NDST3: variants seen among roughly 807,000 people sequenced by gnomAD.
NDST3 encodes bifunctional heparan sulfate N-deacetylase/N-sulfotransferase 3.
NDST3 carries 58 observed loss-of-function variants against 96.1 expected under a neutral mutation model. The ratio of observed to expected loss-of-function variants is 0.60; its 90% CI spans 0.49 to 0.75. NDST3 has a LOEUF of 0.75. Ranked by LOEUF, NDST3 falls within the 30% of genes least tolerant of loss-of-function variation. The pLI is 0.00. For synonymous variants in NDST3, 333 were observed against 359.7 expected (o/e 0.93, Z 0.84); for missense variants, 788 against 1,034.2 (o/e 0.76, Z 3.27).
At chr4:118,069,435 TTC>T (rs1321814588) in intron 2 of NDST3, among the ~76,000 whole-genome samples, 1 of 152,128 alleles carries the variant, frequency 6.6e-6, no homozygotes, top group Admixed American at 6.6e-5. Context: ...GCTTTAAACA[TTC>T]GCCTTTGAGA....
In NDST3 at chr4:118,255,693, A is replaced by C. The variant is rs759028197; in HGVS notation, c.2603A>C (p.Glu868Ala). The change falls in exon 14 of 14, where the codon GAG becomes GCG. Residue 868 changes from glutamate (E) to alanine (A), a missense_variant. Transcript: ENST00000296499. ...GQPLPSWLRQ[E>A]LQKVR ...CCTCTGCCATCCTGGCTGAGACAGG[A>C]GCTGCAGAAAGTAAGATAGCACTGA... 1.9e-6 allele frequency: 3 copies of C among 1,613,288 alleles called. No homozygotes were observed. The South Asian group carries it at 3.3e-5, about 18-fold the overall frequency.
chr4:118,204,962 C>T (rs1047943155), intron 6 of NDST3, among the ~76,000 whole-genome samples: 1 of 144,508 alleles, frequency 6.9e-6, no homozygotes, highest in Non-Finnish European at 1.5e-5. Context: ...CACTCTATAT[C>T]TGTGTACAAG....
intron 6 of NDST3, among the ~76,000 whole-genome samples, chr4:118,213,153 T>C (rs2892800): frequency 0.27 from 41,785 of 152,128 alleles, 6,114 homozygotes; most frequent in East Asian, 0.52. Context: ...GCAAGAATCA[T>C]GCAAAATGAA....
chr4:118,064,035 A>G (rs1726109527), intron 2 of NDST3, among the ~76,000 whole-genome samples: 1 of 152,226 alleles, frequency 6.6e-6, no homozygotes, highest in South Asian at 2.1e-4. Context: ...AGTCTGGAAC[A>G]AAAATTAGTA....
At chr4:118,077,062 G>GC (rs1727607497) in intron 2 of NDST3, among the ~76,000 whole-genome samples, 3 of 152,218 alleles carry the variant, frequency 2.0e-5, no homozygotes, top group Non-Finnish European at 4.4e-5. Flanking sequence ...CCAAGGCTCA[G>GC]TTCAGCAATC....
Position 118,255,583 on chromosome 4 carries a change from C to G in NDST3, c.2503-10C>G. The G allele has an allele frequency of 6.2e-7, 1 of 1,600,246 alleles. No homozygotes were observed. Among genetic ancestry groups the G allele is most frequent in the South Asian group, 1.1e-5 (1 of 88,694 alleles). On this transcript the variant is annotated splice_polypyrimidine_tract_variant and intron_variant, in intron 13 of 13. Transcript: ENST00000296499. ...ATAAAATGTACTTTTCTCTCCTCCTCTCCACTTAGAGCAGGACATTTCTGT... is the reference window on the plus strand; with the variant it reads ...ATAAAATGTACTTTTCTCTCCTCCTGTCCACTTAGAGCAGGACATTTCTGT...
chr4:118,093,658 T>C (rs1729064197), intron 2 of NDST3, among the ~76,000 whole-genome samples: 1 of 151,896 alleles, frequency 6.6e-6, no homozygotes, highest in Admixed American at 6.6e-5. Context: ...TAACTTATCG[T>C]ATCTAATCTG....
intron 2 of NDST3, among the ~76,000 whole-genome samples, chr4:118,096,515 T>A (rs1560639637): frequency 6.6e-6 from 1 of 151,794 alleles, no homozygotes; most frequent in Non-Finnish European, 1.5e-5. Context: ...AAAGCTAAAC[T>A]TTAGAAGCTA....
At chr4:118,111,574 T>C (rs1384695745) in intron 3 of NDST3, among the ~76,000 whole-genome samples, 4 of 148,486 alleles carry the variant, frequency 2.7e-5, no homozygotes, top group African/African-American at 7.5e-5. Context: ...TCTCGCTCTG[T>C]CACCCAGGCT....
At chr4:118,161,609 T>G in intron 6 of NDST3, among the ~76,000 whole-genome samples, 1 of 152,246 alleles carries the variant, frequency 6.6e-6, no homozygotes, top group South Asian at 2.1e-4. Flanking sequence ...GCTGCCGCCT[T>G]GCAGTTTGAT....
intron 12 of NDST3, 55 bp from the exon 13 acceptor site, chr4:118,253,444 A>G: frequency 8.4e-7 from 1 of 1,194,938 alleles, no homozygotes; most frequent in Non-Finnish European, 1.2e-6. Flanking sequence ...ATATCATATA[A>G]ATTGGTTGAA....
At chr4:118,239,187 T>C (rs1358785426) in intron 10 of NDST3, among the ~76,000 whole-genome samples, 2 of 152,210 alleles carry the variant, frequency 1.3e-5, no homozygotes, top group South Asian at 2.1e-4. Context: ...TTAAAACAGC[T>C]AAGTTCTTGA....
intron 2 of NDST3, among the ~76,000 whole-genome samples, chr4:118,084,754 T>C (rs1275918193): frequency 6.6e-6 from 1 of 152,226 alleles, no homozygotes; most frequent in Non-Finnish European, 1.5e-5. Context: ...AAAACATGCC[T>C]TTTTAACTTA....
chr4:118,074,799 T>C (rs1180415979), intron 2 of NDST3, among the ~76,000 whole-genome samples: 1 of 152,216 alleles, frequency 6.6e-6, no homozygotes, highest in Non-Finnish European at 1.5e-5. Flanking sequence ...GGTGGGATAT[T>C]ATGCATACAT....
chr4:118,160,995 G>A (rs188133516), intron 6 of NDST3, among the ~76,000 whole-genome samples: 28 of 152,112 alleles, frequency 1.8e-4, no homozygotes, highest in East Asian at 1.6e-3. Context: ...CCCCATCTTC[G>A]TGGTTTTATC....
intron 1 of NDST3, among the ~76,000 whole-genome samples, chr4:118,038,683 C>T (rs1007361926): frequency 6.6e-6 from 1 of 151,840 alleles, no homozygotes; most frequent in African/African-American, 2.4e-5. Flanking sequence ...AGGCCTCCCA[C>T]TGCATTTTTC....
chr4:118,065,598 A>T lies in NDST3; in HGVS notation c.981+10707A>T, dbSNP rs571046309. 2.0e-5 allele frequency among the ~76,000 whole-genome samples: 3 copies of T among 152,188 alleles called. No individual in the cohort carries two copies. In the South Asian group the frequency reaches 6.2e-4, roughly 32 times the overall value. On this transcript the variant is annotated intron_variant, in intron 2 of 13. Coordinates refer to ENST00000296499, the MANE Select transcript of NDST3 (RefSeq NM_004784.3). ...TGAAAGCCAGTTGATTAGGACTACC[A>T]CATAGTCACCTAAGCACAGTTTACC... is the stretch of plus-strand genomic sequence containing the variant.
chr4:118,165,766 G>A lies in NDST3; in HGVS notation c.1539+22082G>A, dbSNP rs368467070. 2.5e-3 allele frequency among the ~76,000 whole-genome samples: 385 copies of A among 151,840 alleles called. 1 individual carries two copies. The highest frequency in any genetic ancestry group is 8.6e-3 in the African/African-American group (355 of 41,452). On this transcript the variant is annotated intron_variant, in intron 6 of 13. Coordinates refer to ENST00000296499, the MANE Select transcript of NDST3 (RefSeq NM_004784.3). ...AAAATCAATAGCAGAAGGAAAAATG[G>A]GAAATTAACAAATATGTGGAAATTA...
chr4:118,056,442 G>A (rs544789743), intron 2 of NDST3, among the ~76,000 whole-genome samples: 1 of 152,014 alleles, frequency 6.6e-6, no homozygotes, highest in African/African-American at 2.4e-5. Flanking sequence ...CTCATATTTA[G>A]ATAGAAATAT....
Sources: allele counts gnomAD v4.1 joint callset (sites outside exome capture counted in the v4.1 genomes callset), GRCh38; gene constraint gnomAD v4.1.1; transcripts MANE v1.5; gene names NCBI Gene and HGNC (gene_info 2026-07-23, HGNC 2026-07-21).